The following ANKRD22 variants were observed in gnomAD, a reference collection of about 807,000 sequenced individuals.
The protein encoded by ANKRD22 is ankyrin repeat domain 22, also known as ankyrin repeat domain-containing protein 22.
A neutral mutation model predicts 25.7 loss-of-function variants in ANKRD22; 24 were observed. That is an observed-to-expected ratio of 0.93 (90% confidence interval 0.68 to 1.31). ANKRD22 has a LOEUF of 1.31. Among genes scored for constraint, ANKRD22 ranks in the 50% most tolerant of loss-of-function variants. ANKRD22 has a pLI of 0.00. For synonymous variants in ANKRD22, 84 were observed against 84.3 expected (o/e 1.00, Z 0.02); for missense variants, 214 against 227.1 (o/e 0.94, Z 0.37).
Position 88,820,300 on chromosome 10 carries a change from C to T in ANKRD22, c.*2641G>A. On this transcript the variant is annotated 3_prime_UTR_variant, in exon 6 of 6. Transcript: ENST00000371930. ...CAGCAATGTGGACAGGAGGTCAGGA[C>T]TGGCTTTCAAATCCAGAAGACGTGA... is the stretch of plus-strand genomic sequence containing the variant. 6.4e-7 allele frequency: 1 copy of T among 1,552,086 alleles called. No individual in the cohort carries two copies. Among genetic ancestry groups the T allele is most frequent in the South Asian group, 1.2e-5 (1 of 84,060 alleles).
chr10:88,824,557 G>A (rs183953573), intron 4 of ANKRD22, among the ~76,000 whole-genome samples: 1 of 152,280 alleles, frequency 6.6e-6, no homozygotes, highest in East Asian at 1.9e-4. Flanking sequence ...TACTCAGATA[G>A]TTTTTGAAAA....
At chr10:88,830,498 T>G (rs1189848003) in intron 2 of ANKRD22, among the ~76,000 whole-genome samples, 1 of 152,194 alleles carries the variant, frequency 6.6e-6, no homozygotes, top group African/African-American at 2.4e-5. Flanking sequence ...ACATGAGAAA[T>G]CACAGGTTCA....
chr10:88,830,714 C>T (rs1309647066), intron 2 of ANKRD22, among the ~76,000 whole-genome samples: 3 of 152,134 alleles, frequency 2.0e-5, no homozygotes, highest in Non-Finnish European at 2.9e-5. Context: ...TTCTGCAAAG[C>T]GGAGATAAAA....
chr10:88,851,733 T>A lies in ANKRD22; in HGVS notation c.-126A>T, dbSNP rs1428370832. Reference sequence around the variant, plus strand: ...CTAGAAGTCCAAGCTGGTGGCAAGCTCCAGGAGTGCTTTTCTAGCAAACAC... The same window carrying A: ...CTAGAAGTCCAAGCTGGTGGCAAGCACCAGGAGTGCTTTTCTAGCAAACAC... On this transcript the variant is annotated 5_prime_UTR_variant, in exon 1 of 6. Transcript: ENST00000371930. 5 of 1,077,820 alleles carry A rather than the reference T, an allele frequency of 4.6e-6. No individual in the cohort carries two copies. Among genetic ancestry groups the A allele is most frequent in the Non-Finnish European group, 7.1e-6 (5 of 708,762 alleles). 66.8% of individuals were successfully genotyped at this position (1,077,820 alleles called of 1,614,324 possible). A position where few individuals can be genotyped will look rare whatever the true frequency, so the allele number is the denominator to read the frequency against.
Position 88,822,812 on chromosome 10 carries a change from A to C in ANKRD22, c.*129T>G. 1 of 790,690 alleles carries C rather than the reference A, an allele frequency of 1.3e-6. No homozygotes were observed. Among genetic ancestry groups the C allele is most frequent in the East Asian group, 2.5e-5 (1 of 40,788 alleles). The allele number at this position is 790,690 out of a possible 1,614,324, so 49.0% of individuals were successfully genotyped here. Reference sequence around the variant, plus strand: ...AAAAAGCTCTTCCAAAACATTAACCATGGTAAGCATCATTATCCCCATAAA... The same window carrying C: ...AAAAAGCTCTTCCAAAACATTAACCCTGGTAAGCATCATTATCCCCATAAA... On this transcript the variant is annotated 3_prime_UTR_variant, in exon 6 of 6. Coordinates refer to ENST00000371930, the MANE Select transcript of ANKRD22 (RefSeq NM_144590.3).
chr10:88,826,496 C>T (rs956627962), intron 3 of ANKRD22, among the ~76,000 whole-genome samples: 13 of 152,214 alleles, frequency 8.5e-5, no homozygotes, highest in Admixed American at 7.2e-4. Context: ...TACAAAGCCC[C>T]GTATGTTTTG....
At chr10:88,849,057 C>A (rs1844079901) in intron 1 of ANKRD22, among the ~76,000 whole-genome samples, 1 of 151,342 alleles carries the variant, frequency 6.6e-6, no homozygotes, top group Non-Finnish European at 1.5e-5. Flanking sequence ...TACTTACAGC[C>A]TTATAATGAG....
At position 88,826,018 on chromosome 10, in the gene ANKRD22, G is replaced by A. The variant is rs1193011706; in HGVS notation, c.399+20C>T. On this transcript the variant is annotated intron_variant, in intron 4 of 5. Coordinates refer to ENST00000371930, the MANE Select transcript of ANKRD22 (RefSeq NM_144590.3). ...ACCATTTTGAATATTTTTTCAAAAT[G>A]GCTAAAAGTATAAACTTACACAATC... The A allele has an allele frequency of 1.3e-6, 2 of 1,585,278 alleles. No homozygotes were observed. The highest frequency in any genetic ancestry group is 1.7e-5 in the Admixed American group (1 of 57,736).
chr10:88,831,910 A>G lies in ANKRD22; in HGVS notation c.138T>C (p.Cys46=), dbSNP rs1265987353. The G allele has an allele frequency of 3.7e-6, 6 of 1,613,438 alleles. No homozygotes were observed. The highest frequency in any genetic ancestry group is 5.1e-6 in the Non-Finnish European group (6 of 1,179,832). Residue 46 remains cysteine (C), a synonymous_variant, in exon 2 of 6, where the codon TGT becomes TGC. Coordinates refer to ENST00000371930, the MANE Select transcript of ANKRD22 (RefSeq NM_144590.3). ...TTCTCACATGCCCTCGCCTGCAAGCACAGATCAGGGGCGTGTCTCCATTAA... is the reference window on the plus strand; with the variant it reads ...TTCTCACATGCCCTCGCCTGCAAGCGCAGATCAGGGGCGTGTCTCCATTAA... ...DGFNGDTPLI[C]ACRRGHVRIV... is the part of the protein sequence containing the mutation.
At chr10:88,830,061 T>C (rs1221975505) in intron 2 of ANKRD22, among the ~76,000 whole-genome samples, 2 of 152,222 alleles carry the variant, frequency 1.3e-5, no homozygotes, top group Non-Finnish European at 2.9e-5. Context: ...AATGCTGGGA[T>C]TCCAGACATG....
At chr10:88,823,148 T>C in intron 5 of ANKRD22, 130 bp from the exon 6 acceptor site, 1 of 1,233,640 alleles carries the variant, frequency 8.1e-7, no homozygotes, top group Non-Finnish European at 1.2e-6. Context: ...ATAGGATAAC[T>C]TCATTCCTTA....
chr10:88,842,938 GT>G (rs1325908551), intron 1 of ANKRD22, among the ~76,000 whole-genome samples: 1 of 152,112 alleles, frequency 6.6e-6, no homozygotes, highest in Non-Finnish European at 1.5e-5. Context: ...TTTGCAAATA[GT>G]TTTTACTCCA....
At chr10:88,843,994 C>A (rs181039613) in intron 1 of ANKRD22, among the ~76,000 whole-genome samples, 12 of 152,040 alleles carry the variant, frequency 7.9e-5, no homozygotes, top group African/African-American at 2.9e-4. Context: ...ACAAACCCGA[C>A]ATTTTTAAAA....
intron 1 of ANKRD22, among the ~76,000 whole-genome samples, chr10:88,836,270 G>A (rs998867061): frequency 2.0e-5 from 3 of 152,294 alleles, no homozygotes; most frequent in Admixed American, 1.3e-4. Flanking sequence ...GACTACATGA[G>A]GCTACATTTT....
At chr10:88,827,241 T>C (rs1214085104) in intron 3 of ANKRD22, among the ~76,000 whole-genome samples, 1 of 152,134 alleles carries the variant, frequency 6.6e-6, no homozygotes, top group East Asian at 1.9e-4. Context: ...TGCTTTCCTC[T>C]CTCCTCCCCT....
At chr10:88,826,001 G>T (rs759812347) in intron 4 of ANKRD22, 37 bp downstream of exon 4, 2 of 1,527,082 alleles carry the variant, frequency 1.3e-6, no homozygotes, top group South Asian at 1.2e-5. Context: ...ATACCATTTT[G>T]AATATTTTTT....
intron 1 of ANKRD22, among the ~76,000 whole-genome samples, chr10:88,848,883 A>G (rs1844077844): frequency 6.6e-6 from 1 of 152,142 alleles, no homozygotes; most frequent in African/African-American, 2.4e-5. Flanking sequence ...TAGGCATTGT[A>G]TATTTCAAGA....
Position 88,826,058 on chromosome 10 carries a change from C to T in ANKRD22, c.379G>A (p.Glu127Lys), listed in dbSNP as rs758073859. 30 of 1,612,370 alleles carry T rather than the reference C, an allele frequency of 1.9e-5. No individual in the cohort carries two copies. The highest frequency in any genetic ancestry group is 3.3e-5 in the South Asian group (3 of 90,890). The change falls in exon 4 of 6, where the codon GAA becomes AAA. Residue 127 changes from glutamate (E) to lysine (K), a missense_variant. Coordinates refer to ENST00000371930, the MANE Select transcript of ANKRD22 (RefSeq NM_144590.3). ...CTTACACAATCTGTAGCATTAACTT[C>T]GACGCCAGCATCAAGTAGCATTCGT... Reference protein sequence around the residue: ...LVRMLLDAGVEVNATDCYGCT... With the variant: ...LVRMLLDAGVKVNATDCYGCT...
At position 88,821,374 on chromosome 10, in the gene ANKRD22, C is replaced by T. The variant is rs967317641; in HGVS notation, c.*1567G>A. Among the ~76,000 whole-genome samples the T allele has an allele frequency of 6.6e-6, 1 of 152,234 alleles. No homozygotes were observed. The highest frequency in any genetic ancestry group is 2.4e-5 in the African/African-American group (1 of 41,474). ...ATTGACAAACCATGATTTATTTCTT[C>T]AGAAAATTATTCCACTTTTACACAA... On this transcript the variant is annotated 3_prime_UTR_variant, in exon 6 of 6. Transcript: ENST00000371930.
Sources: allele counts gnomAD v4.1 joint callset (sites outside exome capture counted in the v4.1 genomes callset), GRCh38; gene constraint gnomAD v4.1.1; transcripts MANE v1.5; gene names NCBI Gene and HGNC (gene_info 2026-07-23, HGNC 2026-07-21).